Variants in DGKD observed in about 807,000 individuals in gnomAD.
The protein encoded by DGKD is DAG kinase delta.
Under a neutral mutation model 154.4 loss-of-function variants are expected in DGKD, and 68 were observed. The observed-to-expected ratio is 0.44, with a 90% CI of 0.36 to 0.54. The LOEUF (loss-of-function observed/expected upper bound fraction) is 0.54, where lower values mean the gene tolerates loss of function less well. Ranked by LOEUF, DGKD falls within the 20% of genes least tolerant of loss-of-function variation. The pLI is 0.00. For synonymous variants in DGKD, 693 were observed against 638.0 expected, an observed-to-expected ratio of 1.09 and a Z score of -1.30; for missense variants, 1,343 against 1,593.6, an observed-to-expected ratio of 0.84 and a Z score of 2.68.
At chr2:233,444,844 C>G (rs2063012938) in intron 10 of DGKD, among the ~76,000 whole-genome samples, 1 of 137,396 alleles carries the variant, frequency 7.3e-6, no homozygotes, top group African/African-American at 2.8e-5. Flanking sequence ...TTTCCTGCCT[C>G]AAGGACAGTA....
intron 9 of DGKD, among the ~76,000 whole-genome samples, chr2:233,439,240 C>A (rs1188606844): frequency 6.6e-6 from 1 of 152,148 alleles, no homozygotes; most frequent in Non-Finnish European, 1.5e-5. Flanking sequence ...TGTGGTCTGG[C>A]CTGTATTTCT....
intron 1 of DGKD, among the ~76,000 whole-genome samples, chr2:233,384,734 G>A (rs945944586): frequency 1.9e-4 from 29 of 152,104 alleles, no homozygotes; most frequent in Non-Finnish European, 4.4e-5. Flanking sequence ...TTTCTGGAGT[G>A]TTCTGCCAGC....
chr2:233,452,089 A>G lies in DGKD; in HGVS notation c.2264+29A>G. 1 of 1,577,000 alleles carries G rather than the reference A, an allele frequency of 6.3e-7. No homozygotes were observed. The highest frequency in any genetic ancestry group is 8.7e-7 in the Non-Finnish European group (1 of 1,146,534). The stretch of plus-strand genomic sequence containing the variant: ...AGTATGAGGGATAAACCGAGTGGGC[A>G]TATTGTTACATGGCTGCTAGTGCAT... On this transcript the variant is annotated intron_variant, in intron 18 of 29. Transcript: ENST00000264057. The surrounding 1 kb of genome is among the most constrained non-coding windows in gnomAD (Gnocchi z 4.0).
intron 3 of DGKD, among the ~76,000 whole-genome samples, chr2:233,390,960 C>T (rs1703565781): frequency 6.6e-6 from 1 of 152,018 alleles, no homozygotes; most frequent in African/African-American, 2.4e-5. Flanking sequence ...CTCGAACTCC[C>T]AACCTCAGGT....
intron 3 of DGKD, among the ~76,000 whole-genome samples, chr2:233,417,707 A>C (rs2061993614): frequency 1.3e-5 from 2 of 152,204 alleles, no homozygotes; most frequent in African/African-American, 4.8e-5. Flanking sequence ...CTTATCACTG[A>C]GATTCTAGAT....
chr2:233,362,622 G>A (rs965671357), intron 1 of DGKD, among the ~76,000 whole-genome samples: 2 of 152,154 alleles, frequency 1.3e-5, no homozygotes, highest in African/African-American at 4.8e-5. Context: ...TTACACTACA[G>A]CCTGGGCGAC....
intron 23 of DGKD, 69 bp from the exon 24 acceptor site, chr2:233,460,125 C>G (rs1297651768): frequency 4.4e-6 from 7 of 1,580,058 alleles, no homozygotes; most frequent in Non-Finnish European, 6.0e-6. Context: ...GTTGGCATCC[C>G]CATAGTGTCT....
chr2:233,436,004 C>T (rs895636943), intron 6 of DGKD, 80 bp downstream of exon 6: 16 of 1,361,712 alleles, frequency 1.2e-5, no homozygotes, highest in Non-Finnish European at 1.4e-5. Flanking sequence ...TCCTCCCTGC[C>T]CTCCCTGCCA....
At position 233,458,274 on chromosome 2, in the gene DGKD, T is replaced by C; in HGVS notation, c.2581-10T>C. The C allele has an allele frequency of 1.3e-6, 2 of 1,598,420 alleles. No individual in the cohort carries two copies. Among genetic ancestry groups the C allele is most frequent in the Non-Finnish European group, 1.7e-6 (2 of 1,167,118 alleles). Reference sequence around the variant, plus strand: ...TGGAGTGGTGGTCAGCTCTAACGTGTCCCTTGCAGACTTTCGCAGCTCCAT... The same window carrying C: ...TGGAGTGGTGGTCAGCTCTAACGTGCCCCTTGCAGACTTTCGCAGCTCCAT... On this transcript the variant is annotated splice_polypyrimidine_tract_variant and intron_variant, in intron 21 of 29. Transcript: ENST00000264057. This position sits in a 1 kb window ranked among gnomAD's most constrained non-coding sequence, Gnocchi z 6.6.
At chr2:233,428,737 C>T (rs1163753098) in intron 3 of DGKD, among the ~76,000 whole-genome samples, 2 of 152,176 alleles carry the variant, frequency 1.3e-5, no homozygotes, top group African/African-American at 2.4e-5. Context: ...CAGGTTGCTT[C>T]TAGCATCACT....
chr2:233,432,338 ACATGGTGAAACCTCGTCTCTACT>A (rs1392009420), intron 3 of DGKD, among the ~76,000 whole-genome samples: 23 of 122,450 alleles, frequency 1.9e-4, no homozygotes, highest in African/African-American at 7.3e-4. Context: ...CTCCTGGCTA[ACATGGTGAAACCTCGTCTCTACT>A]AAAAATACAA....
At chr2:233,375,358 A>G (rs1702520851) in intron 1 of DGKD, among the ~76,000 whole-genome samples, 6 of 152,096 alleles carry the variant, frequency 3.9e-5, no homozygotes, top group Admixed American at 3.9e-4. Flanking sequence ...GCATGTGAAT[A>G]GTAGGTGTTA....
At chr2:233,439,682 C>T (rs557687226) in intron 9 of DGKD, among the ~76,000 whole-genome samples, 1 of 152,290 alleles carries the variant, frequency 6.6e-6, no homozygotes, top group South Asian at 2.1e-4. Context: ...CTGCCTTAGC[C>T]TCCTGAGTAG....
chr2:233,465,893 A>G (rs1273292266), intron 27 of DGKD, among the ~76,000 whole-genome samples: 1 of 143,298 alleles, frequency 7.0e-6, no homozygotes, highest in Non-Finnish European at 1.5e-5. Context: ...GATTAATAAT[A>G]ATTAAAACAC....
chr2:233,375,773 C>G (rs559942984), intron 1 of DGKD, among the ~76,000 whole-genome samples: 25 of 152,042 alleles, frequency 1.6e-4, no homozygotes, highest in Admixed American at 6.6e-4. Context: ...AAGTAGAGAC[C>G]GTTGAATTAA....
At chr2:233,454,343 T>A (rs1559170893) in intron 18 of DGKD, 1 of 468,314 alleles carries the variant, frequency 2.1e-6, no homozygotes, top group Non-Finnish European at 4.4e-6. Flanking sequence ...TTTGAAAACA[T>A]CGTCCTGAGG....
chr2:233,437,853 G>A (rs930206029), intron 8 of DGKD, among the ~76,000 whole-genome samples: 17 of 152,234 alleles, frequency 1.1e-4, no homozygotes, highest in African/African-American at 3.6e-4. Flanking sequence ...TCTCTGCCTA[G>A]CACATGCTGG....
At chr2:233,463,241 C>T (rs978813219) in intron 26 of DGKD, among the ~76,000 whole-genome samples, 34 of 152,138 alleles carry the variant, frequency 2.2e-4, no homozygotes, top group Non-Finnish European at 3.7e-4. Context: ...TTTCCCAGCC[C>T]TCCACTCCGC....
intron 29 of DGKD, 128 bp downstream of exon 29, chr2:233,468,681 C>A: frequency 7.0e-7 from 1 of 1,429,656 alleles, no homozygotes; most frequent in Non-Finnish European, 9.4e-7. Flanking sequence ...GTGTATACCT[C>A]AGGTGGGGGC....
Sources: gnomAD v4.1 joint callset for allele counts (sites outside exome capture counted in the v4.1 genomes callset) on GRCh38, gnomAD v4.1.1 for gene constraint, Gnocchi (gnomAD v3.1) non-coding constraint, MANE v1.5 for transcripts, NCBI Gene and HGNC (gene_info 2026-07-23, HGNC 2026-07-21) for gene names.